The following MACROD2 variants were observed in gnomAD, a reference collection of about 807,000 sequenced individuals.
MACROD2 encodes the protein mono-ADP ribosylhydrolase 2, also known as ADP-ribose glycohydrolase MACROD2.
MACROD2 carries 36 observed loss-of-function variants against 70.4 expected under a neutral mutation model. The observed-to-expected ratio is 0.51, with a 90% CI of 0.39 to 0.68. The LOEUF (loss-of-function observed/expected upper bound fraction) is 0.68, where lower values mean the gene tolerates loss of function less well. Among genes scored for constraint, MACROD2 ranks in the 30% least tolerant of loss-of-function variants. The pLI, the probability that MACROD2 is intolerant of heterozygous loss-of-function variation, is 0.00. For synonymous variants in MACROD2, 172 were observed against 178.8 expected (o/e 0.96, Z 0.30); for missense variants, 496 against 538.4 (o/e 0.92, Z 0.78).
At chr20:14,695,218 A>G (rs2071109619) in intron 5 of MACROD2, among the ~76,000 whole-genome samples, 1 of 152,202 alleles carries the variant, frequency 6.6e-6, no homozygotes. Context: ...TTCCAGGAGC[A>G]GATCCATCCT....
intron 8 of MACROD2, among the ~76,000 whole-genome samples, chr20:15,710,213 A>AAAAAAAAAAC (rs2050606103): frequency 7.3e-6 from 1 of 136,822 alleles, no homozygotes; most frequent in Non-Finnish European, 1.6e-5. Flanking sequence ...AAAAAAAAAA[A>AAAAAAAAAAC]CAATTGCGGG....
chr20:15,095,291 G>A (rs142092709), intron 5 of MACROD2, among the ~76,000 whole-genome samples: 3,218 of 151,394 alleles, frequency 0.021, 111 homozygotes, highest in African/African-American at 0.074. Flanking sequence ...TAGCTAGGAT[G>A]GTCTCAACCT....
intron 6 of MACROD2, among the ~76,000 whole-genome samples, chr20:15,291,495 AT>A (rs2077540620): frequency 6.6e-6 from 1 of 152,234 alleles, no homozygotes; most frequent in South Asian, 2.1e-4. Context: ...TGCATTCCCA[AT>A]TCCTTTAAAT....
intron 4 of MACROD2, among the ~76,000 whole-genome samples, chr20:14,635,879 T>A (rs1186572306): frequency 6.6e-6 from 1 of 152,200 alleles, no homozygotes; most frequent in Non-Finnish European, 1.5e-5. Flanking sequence ...GAGGATGTGA[T>A]GTCAAATGGT....
At chr20:15,495,099 G>A (rs1353969105) in intron 7 of MACROD2, among the ~76,000 whole-genome samples, 1 of 152,158 alleles carries the variant, frequency 6.6e-6, no homozygotes, top group Non-Finnish European at 1.5e-5. Context: ...AAGCTTGTCT[G>A]TAGCCTCCCC....
At chr20:15,285,465 A>G (rs2077482446) in intron 6 of MACROD2, among the ~76,000 whole-genome samples, 1 of 152,208 alleles carries the variant, frequency 6.6e-6, no homozygotes, top group Non-Finnish European at 1.5e-5. Context: ...AGTGAGTTAA[A>G]TCAATCTTGG....
At chr20:15,082,082 A>ATCTC (rs1426366987) in intron 5 of MACROD2, among the ~76,000 whole-genome samples, 1 of 152,178 alleles carries the variant, frequency 6.6e-6, no homozygotes, top group Non-Finnish European at 1.5e-5. Flanking sequence ...ACAGAATGAG[A>ATCTC]TCTCTGCATG....
Position 14,222,243 on chromosome 20 carries a change from C to T in MACROD2, c.271+136515C>T, listed in dbSNP as rs372523296. Among the ~76,000 whole-genome samples the T allele has an allele frequency of 3.9e-5, 6 of 152,098 alleles. No individual in the cohort carries two copies. In the East Asian group the frequency reaches 1.2e-3, roughly 29 times the overall value. On this transcript the variant is annotated intron_variant, in intron 3 of 17. Coordinates refer to ENST00000684519, the MANE Select transcript of MACROD2 (RefSeq NM_001351661.2). ...AAGATATAGAATCAACCTAAGTGTC[C>T]ATTAACATATGATTTAATAAAGAAA...
chr20:15,392,138 A>G (rs1022361358), intron 6 of MACROD2, among the ~76,000 whole-genome samples: 3 of 152,196 alleles, frequency 2.0e-5, no homozygotes, highest in Non-Finnish European at 4.4e-5. Context: ...AGGGCCAACT[A>G]TAAGCTTGAA....
At chr20:15,560,556 A>C (rs1002249000) in intron 8 of MACROD2, among the ~76,000 whole-genome samples, 8 of 151,940 alleles carry the variant, frequency 5.3e-5, no homozygotes, top group Non-Finnish European at 1.0e-4. Context: ...TGAGGTCAGG[A>C]GTTTGAGACC....
intron 4 of MACROD2, among the ~76,000 whole-genome samples, chr20:14,502,617 A>G (rs2084927025): frequency 6.6e-6 from 1 of 152,242 alleles, no homozygotes; most frequent in East Asian, 1.9e-4. Flanking sequence ...ATAAATGAGT[A>G]TCACTCTACT....
chr20:15,726,403 T>G (rs1022984346), intron 8 of MACROD2, among the ~76,000 whole-genome samples: 1 of 152,284 alleles, frequency 6.6e-6, no homozygotes, highest in Non-Finnish European at 1.5e-5. Flanking sequence ...CACATGTACA[T>G]GTGTCTTTAT....
At chr20:14,195,364 T>TA (rs1240217847) in intron 3 of MACROD2, among the ~76,000 whole-genome samples, 1 of 151,938 alleles carries the variant, frequency 6.6e-6, no homozygotes, top group Non-Finnish European at 1.5e-5. Flanking sequence ...GTCCCTCTGA[T>TA]ACAGAAATGG....
intron 5 of MACROD2, among the ~76,000 whole-genome samples, chr20:15,101,027 T>C (rs1415014711): frequency 6.6e-6 from 1 of 152,104 alleles, no homozygotes; most frequent in African/African-American, 2.4e-5. Context: ...CCCTTTAAAA[T>C]GTGAGAATTT....
intron 4 of MACROD2, among the ~76,000 whole-genome samples, chr20:14,658,764 C>G (rs1381155353): frequency 6.6e-6 from 1 of 152,142 alleles, no homozygotes; most frequent in Non-Finnish European, 1.5e-5. Flanking sequence ...CAGGCACATG[C>G]TGCCATGCCC....
chr20:14,447,212 A>T (rs978166260), intron 3 of MACROD2, among the ~76,000 whole-genome samples: 13 of 151,734 alleles, frequency 8.6e-5, no homozygotes, highest in African/African-American at 2.9e-4. Flanking sequence ...TAGAGATGGT[A>T]TTTCACCATG....
chr20:15,344,577 A>G (rs1242391283), intron 6 of MACROD2, among the ~76,000 whole-genome samples: 2 of 151,862 alleles, frequency 1.3e-5, no homozygotes, highest in Non-Finnish European at 2.9e-5. Context: ...ATTTTTTTTT[A>G]TGTTCTCCCA....
intron 8 of MACROD2, among the ~76,000 whole-genome samples, chr20:15,820,742 T>G (rs149204451): frequency 6.6e-6 from 1 of 152,336 alleles, no homozygotes; most frequent in East Asian, 1.9e-4. Context: ...GTTTTAAGTT[T>G]TTTATAGTTT....
chr20:15,848,399 G>A (rs528910245), intron 8 of MACROD2, among the ~76,000 whole-genome samples: 64 of 152,098 alleles, frequency 4.2e-4, no homozygotes, highest in East Asian at 3.3e-3. Context: ...GATTAGTAAC[G>A]ATTAGGAAGA....
Sources: allele counts gnomAD v4.1 joint callset (sites outside exome capture counted in the v4.1 genomes callset), GRCh38; gene constraint gnomAD v4.1.1; transcripts MANE v1.5; gene names NCBI Gene and HGNC (gene_info 2026-07-23, HGNC 2026-07-21).